The following DNAH5 variants were observed in gnomAD, a reference collection of about 807,000 sequenced individuals.
DNAH5 encodes the protein dynein axonemal heavy chain 5, also known as axonemal beta dynein heavy chain 5.
A neutral mutation model predicts 518.2 loss-of-function variants in DNAH5; 372 were observed. The ratio of observed to expected loss-of-function variants is 0.72; its 90% CI spans 0.66 to 0.78. The LOEUF (loss-of-function observed/expected upper bound fraction) is 0.78. Among genes scored for constraint, DNAH5 ranks in the 30% least tolerant of loss-of-function variants. The pLI, the probability that DNAH5 is intolerant of heterozygous loss-of-function variation, is 0.00. For missense variants in DNAH5, 5,523 were observed against 5,687.0 expected, an observed-to-expected ratio of 0.97 and a Z score of 0.93; for synonymous variants, 2,039 against 2,025.9, an observed-to-expected ratio of 1.01 and a Z score of -0.17.
intron 75 of DNAH5, among the ~76,000 whole-genome samples, chr5:13,713,448 TATATATATATATATATATAC>T (rs1259325444): frequency 1.0e-4 from 13 of 128,176 alleles, no homozygotes; most frequent in Admixed American, 2.4e-4. Flanking sequence ...TATATATATA[TATATATATATATATATATAC>T]ACACACCGAT....
intron 41 of DNAH5, among the ~76,000 whole-genome samples, chr5:13,819,686 G>C (rs1490609635): frequency 6.6e-6 from 1 of 152,148 alleles, no homozygotes; most frequent in East Asian, 1.9e-4. Context: ...ATCAGAACCA[G>C]AGAATACAAG....
At chr5:14,005,626 G>A (rs1383411074) in intron 1 of DNAH5, among the ~76,000 whole-genome samples, 8 of 152,180 alleles carry the variant, frequency 5.3e-5, no homozygotes, top group African/African-American at 1.4e-4. Context: ...TTAAGTCATC[G>A]TTGCACAATC....
intron 31 of DNAH5, 30 bp from the exon 32 acceptor site, chr5:13,845,023 A>T: frequency 6.2e-7 from 1 of 1,608,242 alleles, no homozygotes; most frequent in South Asian, 1.1e-5. Flanking sequence ...ATAAACCTTT[A>T]TAACCACACA....
chr5:13,931,293 G>A (rs760507093), intron 1 of DNAH5, 49 bp from the exon 2 acceptor site: 5 of 1,609,582 alleles, frequency 3.1e-6, no homozygotes, highest in Middle Eastern at 1.7e-4. Flanking sequence ...GTTCTCAAGT[G>A]GATTCATTTT....
intron 1 of DNAH5, among the ~76,000 whole-genome samples, chr5:13,983,227 A>C (rs1782811725): frequency 6.6e-6 from 1 of 152,072 alleles, no homozygotes; most frequent in Non-Finnish European, 1.5e-5. Context: ...CACCTTCCAA[A>C]TGGAGTTCAT....
intron 1 of DNAH5, among the ~76,000 whole-genome samples, chr5:14,000,364 C>A (rs879453217): frequency 1.3e-5 from 2 of 152,256 alleles, no homozygotes; most frequent in Non-Finnish European, 2.9e-5. Context: ...CCCTTGCCAA[C>A]ACCTGGATTT....
At chr5:13,856,700 C>T (rs78119210) in intron 30 of DNAH5, among the ~76,000 whole-genome samples, 57,602 of 151,996 alleles carry the variant, frequency 0.38, 11,148 homozygotes, top group South Asian at 0.47. Flanking sequence ...TGGGATGTAA[C>T]GCTGGTTCAA....
chr5:13,973,580 G>T (rs114634899), intron 1 of DNAH5, among the ~76,000 whole-genome samples: 219 of 152,240 alleles, frequency 1.4e-3, no homozygotes, highest in African/African-American at 5.2e-3. Flanking sequence ...GAGAGGAGGA[G>T]GATGTTAATT....
chr5:13,756,928 C>T (rs932611370), intron 61 of DNAH5, among the ~76,000 whole-genome samples: 4 of 152,158 alleles, frequency 2.6e-5, no homozygotes, highest in Non-Finnish European at 5.9e-5. Context: ...CATCATTTAG[C>T]TCCCACTTAT....
Position 13,778,596 on chromosome 5 carries a change from A to AAGAG in DNAH5, c.8952-1245_8952-1242dup, listed in dbSNP as rs199841746. Among the ~76,000 whole-genome samples, 913 of 102,084 alleles carry AAGAG rather than the reference A, an allele frequency of 8.9e-3. 19 individuals carry two copies. The highest frequency in any genetic ancestry group is 0.019 in the South Asian group (51 of 2,662). 67.0% of individuals were successfully genotyped at this position (102,084 alleles called of 152,430 possible). On this transcript the variant is annotated intron_variant, in intron 53 of 78. Transcript: ENST00000265104. ...AAAGAAAGAAAGAAAGAAAGAAAGAAAGAGAGAGAGAAAGAAAAAGAAAGA... is the reference window on the plus strand; with the variant it reads ...AAAGAAAGAAAGAAAGAAAGAAAGAAAGAGAGAGAGAGAGAAAGAAAAAGAAAGA...
chr5:13,906,202 C>T (rs1407304961), intron 12 of DNAH5, among the ~76,000 whole-genome samples: 2 of 152,122 alleles, frequency 1.3e-5, no homozygotes, highest in African/African-American at 4.8e-5. Flanking sequence ...TATCTTTGTC[C>T]AAACCCATAG....
At chr5:13,732,044 C>T (rs1746635309) in intron 68 of DNAH5, among the ~76,000 whole-genome samples, 1 of 150,922 alleles carries the variant, frequency 6.6e-6, no homozygotes, top group Non-Finnish European at 1.5e-5. Context: ...CACCTAAGCC[C>T]AGGAGTTTGA....
intron 14 of DNAH5, 70 bp downstream of exon 14, chr5:13,901,182 C>T: frequency 1.3e-6 from 2 of 1,522,334 alleles, no homozygotes; most frequent in Non-Finnish European, 1.8e-6. Context: ...AAAGAAATAA[C>T]ACTGTCAAAT....
chr5:13,985,181 A>T (rs1446941663), intron 1 of DNAH5, among the ~76,000 whole-genome samples: 2 of 151,630 alleles, frequency 1.3e-5, no homozygotes, highest in Non-Finnish European at 2.9e-5. Context: ...CGCAAGGACA[A>T]AAAACCAAAC....
intron 1 of DNAH5, among the ~76,000 whole-genome samples, chr5:13,939,836 G>C (rs767237366): frequency 2.6e-5 from 4 of 152,110 alleles, no homozygotes; most frequent in African/African-American, 9.7e-5. Context: ...AAGTGGTTTC[G>C]GGAAAGAAAA....
chr5:13,918,443 G>A (rs1776885278), intron 7 of DNAH5, among the ~76,000 whole-genome samples: 1 of 152,180 alleles, frequency 6.6e-6, no homozygotes, highest in Admixed American at 6.5e-5. Context: ...GGCCCATAGA[G>A]TGTGAGATTG....
chr5:13,777,087 T>G, intron 54 of DNAH5, 115 bp downstream of exon 54: 1 of 1,004,348 alleles, frequency 1.0e-6, no homozygotes, highest in Non-Finnish European at 1.5e-6. Flanking sequence ...ACTGATCACT[T>G]AATACCCATC....
chr5:13,855,599 T>C (rs1298241779), intron 30 of DNAH5, among the ~76,000 whole-genome samples: 2 of 152,030 alleles, frequency 1.3e-5, no homozygotes, highest in African/African-American at 4.8e-5. Context: ...TGACAGAAAA[T>C]TAACAAGGAT....
At chr5:13,988,140 T>C (rs576712423) in intron 1 of DNAH5, among the ~76,000 whole-genome samples, 3 of 152,204 alleles carry the variant, frequency 2.0e-5, no homozygotes, top group Admixed American at 6.5e-5. Flanking sequence ...TTTACTATGC[T>C]ATCATCTGAG....
Sources: gnomAD v4.1 joint callset for allele counts (sites outside exome capture counted in the v4.1 genomes callset) on GRCh38, gnomAD v4.1.1 for gene constraint, MANE v1.5 for transcripts, NCBI Gene and HGNC (gene_info 2026-07-23, HGNC 2026-07-21) for gene names.